CLIC4: variants seen among roughly 807,000 people sequenced by gnomAD.
The protein encoded by CLIC4 is CLIC family member 4, also known as chloride intracellular channel protein 4.
A neutral mutation model predicts 24.6 loss-of-function variants in CLIC4; 13 were observed. The ratio of observed to expected loss-of-function variants is 0.53; its 90% CI spans 0.34 to 0.84. CLIC4 has a LOEUF of 0.84. Among genes scored for constraint, CLIC4 ranks in the 40% least tolerant of loss-of-function variants. The pLI is 0.01. For missense variants in CLIC4, 227 were observed against 301.7 expected, an observed-to-expected ratio of 0.75 and a Z score of 1.83; for synonymous variants, 104 against 111.3, an observed-to-expected ratio of 0.93 and a Z score of 0.41.
chr1:24,813,826 C>T (rs1639641163), intron 2 of CLIC4, among the ~76,000 whole-genome samples: 1 of 152,134 alleles, frequency 6.6e-6, no homozygotes, highest in African/African-American at 2.4e-5. Context: ...TCAAGTGATC[C>T]TTCCACCTCA....
Position 24,771,784 on chromosome 1 carries a change from G to T in CLIC4, c.73-25958G>T, listed in dbSNP as rs1362550403. The T allele has an allele frequency of 2.2e-5, 11 of 495,070 alleles. 1 individual carries two copies. The highest frequency in any genetic ancestry group is 1.5e-4 in the South Asian group (10 of 67,656). 30.7% of individuals were successfully genotyped at this position (495,070 alleles called of 1,614,324 possible). The stretch of plus-strand genomic sequence containing the variant: ...CTAGCTACTCACTATATAGCTATTG[G>T]TCTAAACCTAACAGATTGGTTTAGA... On this transcript the variant is annotated intron_variant, in intron 1 of 5. Transcript: ENST00000374379.
chr1:24,836,347 A>G (rs1253740194), intron 4 of CLIC4, among the ~76,000 whole-genome samples: 1 of 152,230 alleles, frequency 6.6e-6, no homozygotes, highest in Non-Finnish European at 1.5e-5. Flanking sequence ...ATTGAACAAT[A>G]CAGTGAACAA....
intron 1 of CLIC4, among the ~76,000 whole-genome samples, chr1:24,786,985 A>T (rs1232525334): frequency 6.6e-6 from 1 of 151,782 alleles, no homozygotes; most frequent in Non-Finnish European, 1.5e-5. Context: ...CAGTGGTGTG[A>T]TCATGGTTCA....
chr1:24,814,317 G>A lies in CLIC4; in HGVS notation c.308+98G>A. On this transcript the variant is annotated intron_variant, in intron 3 of 5. Transcript: ENST00000374379. ...CTTTCTCGCAGCATTAATTTGGAAT[G>A]ACTAGGACTCTCTTCTATGTTTCTT... The A allele has an allele frequency of 1.5e-6, 2 of 1,314,258 alleles. 1 individual carries two copies. Among genetic ancestry groups the A allele is most frequent in the Admixed American group, 4.3e-5 (2 of 46,796 alleles). 81.4% of individuals were successfully genotyped at this position (1,314,258 alleles called of 1,614,324 possible).
rs779954576 is a variant in CLIC4, at chr1:24,814,168, C to T, written c.257C>T (p.Thr86Met). 18 of 1,614,036 alleles carry T rather than the reference C, an allele frequency of 1.1e-5. No individual in the cohort carries two copies. Among genetic ancestry groups the T allele is most frequent in the Middle Eastern group, 1.7e-4 (1 of 6,052 alleles). Residue 86 changes from threonine (T) to methionine (M), a missense_variant, in exon 3 of 6, where the codon ACG (threonine) becomes ATG (methionine). By Grantham distance (81) the Thr-to-Met change is moderately conservative (BLOSUM62 -1). Coordinates refer to ENST00000374379, the MANE Select transcript of CLIC4 (RefSeq NM_013943.3). ...PFITFNSEVK[T>M]DVNKIEEFLE... is the part of the protein sequence containing the mutation. ...ATAACTTTCAACAGTGAAGTCAAAA[C>T]GGATGTAAATAAGATTGAGGAATTT...
chr1:24,814,034 G>A (rs1639643859), intron 2 of CLIC4, 60 bp from the exon 3 acceptor site: 2 of 1,606,358 alleles, frequency 1.2e-6, no homozygotes, highest in Non-Finnish European at 1.7e-6. Flanking sequence ...AGAATTTAAA[G>A]TATTATTGTT....
intron 5 of CLIC4, 60 bp downstream of exon 5, chr1:24,840,101 G>A: frequency 1.4e-6 from 2 of 1,473,578 alleles, no homozygotes; most frequent in South Asian, 1.3e-5. Context: ...TACTAAAGTG[G>A]CATTTCCTTT....
At chr1:24,808,833 C>T (rs1639583632) in intron 2 of CLIC4, among the ~76,000 whole-genome samples, 3 of 152,044 alleles carry the variant, frequency 2.0e-5, no homozygotes, top group South Asian at 2.1e-4. Context: ...CCCACCACCA[C>T]GCCTGACTAA....
intron 3 of CLIC4, among the ~76,000 whole-genome samples, chr1:24,820,186 A>G (rs1463538951): frequency 1.5e-5 from 2 of 133,726 alleles, no homozygotes; most frequent in African/African-American, 5.5e-5. Context: ...CCTGCCTAGG[A>G]TGATCCTCCT....
intron 1 of CLIC4, among the ~76,000 whole-genome samples, chr1:24,768,082 C>G (rs1209529394): frequency 6.6e-6 from 1 of 152,040 alleles, no homozygotes; most frequent in African/African-American, 2.4e-5. Context: ...ATGAGGTGAT[C>G]CGCCCTCCTT....
chr1:24,750,933 G>A (rs191227224), intron 1 of CLIC4, among the ~76,000 whole-genome samples: 1 of 152,034 alleles, frequency 6.6e-6, no homozygotes, highest in East Asian at 1.9e-4. Flanking sequence ...CTTGAGGATA[G>A]GGTGTGCATA....
intron 2 of CLIC4, among the ~76,000 whole-genome samples, chr1:24,811,912 T>C (rs1186163266): frequency 6.6e-6 from 1 of 152,174 alleles, no homozygotes; most frequent in Non-Finnish European, 1.5e-5. Context: ...GGGTGAGCCA[T>C]TTTGCTTTTT....
chr1:24,760,362 A>AAAAAAAG (rs1463696285), intron 1 of CLIC4, among the ~76,000 whole-genome samples: 1 of 152,178 alleles, frequency 6.6e-6, no homozygotes, highest in African/African-American at 2.4e-5. Flanking sequence ...TCCATCTCAA[A>AAAAAAAG]AAAAAAGAAA....
At chr1:24,751,112 TG>T (rs900221254) in intron 1 of CLIC4, among the ~76,000 whole-genome samples, 32 of 152,248 alleles carry the variant, frequency 2.1e-4, no homozygotes, top group African/African-American at 6.7e-4. Flanking sequence ...CATCAAAGCA[TG>T]GTTCTTCATC....
chr1:24,748,379 C>G (rs1638731334), intron 1 of CLIC4, among the ~76,000 whole-genome samples: 1 of 151,568 alleles, frequency 6.6e-6, no homozygotes, highest in Non-Finnish European at 1.5e-5. Flanking sequence ...TTGGGTGACC[C>G]TAGGCAGTTT....
chr1:24,756,945 G>T (rs1397842166), intron 1 of CLIC4, among the ~76,000 whole-genome samples: 1 of 151,580 alleles, frequency 6.6e-6, no homozygotes, highest in East Asian at 1.9e-4. Flanking sequence ...GCCGAGGCTG[G>T]AGTGCAATGG....
intron 4 of CLIC4, among the ~76,000 whole-genome samples, chr1:24,830,319 TTTCAC>T (rs1639827321): frequency 6.6e-6 from 1 of 152,208 alleles, no homozygotes. Context: ...CAGTTATACT[TTTCAC>T]TTATATGGTA....
At chr1:24,763,217 G>T (rs1319504359) in intron 1 of CLIC4, among the ~76,000 whole-genome samples, 1 of 152,046 alleles carries the variant, frequency 6.6e-6, no homozygotes, top group Non-Finnish European at 1.5e-5. Flanking sequence ...CACTCTGCAA[G>T]TGCAAAAACC....
At chr1:24,802,556 A>G (rs1014736799) in intron 2 of CLIC4, among the ~76,000 whole-genome samples, 4 of 152,266 alleles carry the variant, frequency 2.6e-5, no homozygotes, top group Admixed American at 2.6e-4. Flanking sequence ...CAGTAAATAT[A>G]AAAAATGCTT....
Sources: gnomAD v4.1 joint callset for allele counts (sites outside exome capture counted in the v4.1 genomes callset) on GRCh38, gnomAD v4.1.1 for gene constraint, MANE v1.5 for transcripts, NCBI Gene and HGNC (gene_info 2026-07-23, HGNC 2026-07-21) for gene names.